Variants in PSG1 observed in about 807,000 individuals in gnomAD.
PSG1 encodes the protein pregnancy-specific beta-1-glycoprotein 1.
A neutral mutation model predicts 41.4 loss-of-function variants in PSG1; 60 were observed. That is an observed-to-expected ratio of 1.45 (90% CI 1.18 to 1.80). PSG1 has a LOEUF of 1.80. PSG1 is among the 40% of genes most tolerant of loss of function. The pLI, the probability that PSG1 is intolerant of heterozygous loss-of-function variation, is 0.00. For missense variants in PSG1, 806 were observed against 516.9 expected, an observed-to-expected ratio of 1.56 and a Z score of -5.42; for synonymous variants, 256 against 192.9, an observed-to-expected ratio of 1.33 and a Z score of -2.71.
chr19:42,867,550 T>C, intron 5 of PSG1: 1 of 632,344 alleles, frequency 1.6e-6, no homozygotes, highest in South Asian at 1.9e-5. Flanking sequence ...AAAGCATTGG[T>C]AATATAACCA....
In PSG1 at chr19:42,868,899, A is replaced by G; in HGVS notation, c.845T>C (p.Val282Ala). 6.2e-7 allele frequency: 1 copy of G among 1,610,550 alleles called. No homozygotes were observed. The highest frequency in any genetic ancestry group is 1.1e-5 in the South Asian group (1 of 90,718). ...AATGGGTCGCTTTACCCTGGGACTG[A>G]CCGGGAGGCTCTGACCATTTAGCCA... ...IWWLNGQSLP[V>A]SPRVKRPIEN... The change falls in exon 4 of 6, where the codon GTC (valine) becomes GCC (alanine). Residue 282 changes from valine (V) to alanine (A), a missense_variant. By Grantham distance (64) the Val-to-Ala change is moderately conservative. Transcript: ENST00000436291.
intron 3 of PSG1, among the ~76,000 whole-genome samples, chr19:42,871,068 A>C (rs547792297): frequency 7.3e-5 from 11 of 151,688 alleles, no homozygotes; most frequent in Admixed American, 2.6e-4. Context: ...GATAGACTTC[A>C]CTGGAAAACA....
intron 1 of PSG1, among the ~76,000 whole-genome samples, chr19:42,879,214 G>A (rs1295191491): frequency 6.7e-5 from 10 of 148,576 alleles, no homozygotes; most frequent in South Asian, 2.2e-4. Context: ...ATGCGGTGGT[G>A]CTATCTCAGC....
chr19:42,867,758 TA>T (rs753847726), intron 5 of PSG1: 5 of 937,242 alleles, frequency 5.3e-6, no homozygotes, highest in Non-Finnish European at 8.5e-6. Context: ...GTAGATAGAT[TA>T]AAAGAGAAAA....
At chr19:42,867,934 G>C in intron 5 of PSG1, 167 bp downstream of exon 5, 2 of 1,549,364 alleles carry the variant, frequency 1.3e-6, no homozygotes, top group Non-Finnish European at 1.7e-6. Flanking sequence ...GTTTGTTAAA[G>C]TTTTCGAAGT....
intron 2 of PSG1, among the ~76,000 whole-genome samples, chr19:42,873,424 A>T (rs1971476213): frequency 6.6e-6 from 1 of 151,766 alleles, no homozygotes; most frequent in South Asian, 2.1e-4. Context: ...AATTTGTAAC[A>T]GTGTAATTTT....
intron 2 of PSG1, among the ~76,000 whole-genome samples, chr19:42,876,217 A>G (rs1971598520): frequency 6.6e-6 from 1 of 151,500 alleles, no homozygotes. Context: ...TGAGGGACAC[A>G]GAGAAGCAGA....
chr19:42,867,053 C>CCCTG lies in PSG1; in HGVS notation c.*80_*81insCAGG, dbSNP rs761744764. 1.3e-6 allele frequency: 1 copy of CCCTG among 770,924 alleles called. No homozygotes were observed. Among genetic ancestry groups the CCCTG allele is most frequent in the Non-Finnish European group, 2.4e-6 (1 of 417,524 alleles). 47.8% of individuals were successfully genotyped at this position (770,924 alleles called of 1,614,324 possible). On this transcript the variant is annotated 3_prime_UTR_variant, in exon 6 of 6. Transcript: ENST00000436291. ...TTTACATTGAGTTGTCCACCTCCAG[C>CCCTG]TTATAGGGCTTCTGGAACAGAGTGG...
At position 42,869,581 on chromosome 19, in the gene PSG1, G is replaced by C. The variant is rs183304185; in HGVS notation, c.710-547C>G. On this transcript the variant is annotated intron_variant, in intron 3 of 5. Coordinates refer to ENST00000436291, the MANE Select transcript of PSG1 (RefSeq NM_001184825.2). Reference sequence around the variant, plus strand: ...TAACACAGGGGAGACCAGAATCAAGGCTGGAGGTCAGTTCAGTCATCAGGC... The same window carrying C: ...TAACACAGGGGAGACCAGAATCAAGCCTGGAGGTCAGTTCAGTCATCAGGC... The C allele has an allele frequency of 5.2e-4, 84 of 161,536 alleles. 1 individual carries two copies. The highest frequency in any genetic ancestry group is 1.8e-3 in the South Asian group (11 of 6,028). The allele number at this position is 161,536 out of a possible 1,614,324, so 10.0% of individuals were successfully genotyped here.
At chr19:42,871,633 C>T in intron 3 of PSG1, 134 bp downstream of exon 3, 1 of 1,602,334 alleles carries the variant, frequency 6.2e-7, no homozygotes, top group Non-Finnish European at 8.5e-7. Flanking sequence ...GCCTGGGGCA[C>T]AAAGTCATGG....
At chr19:42,872,674 T>C (rs1240179819) in intron 2 of PSG1, among the ~76,000 whole-genome samples, 1 of 151,556 alleles carries the variant, frequency 6.6e-6, no homozygotes, top group African/African-American at 2.4e-5. Context: ...AGCTAGTGAC[T>C]CTAAAGATAG....
intron 2 of PSG1, among the ~76,000 whole-genome samples, chr19:42,876,169 G>A: frequency 6.6e-6 from 1 of 151,478 alleles, no homozygotes; most frequent in South Asian, 2.1e-4. Context: ...AAGCTGTGCA[G>A]GACAGGGCTT....
At chr19:42,871,283 G>A (rs1358817282) in intron 3 of PSG1, among the ~76,000 whole-genome samples, 1 of 151,712 alleles carries the variant, frequency 6.6e-6, no homozygotes, top group South Asian at 2.1e-4. Flanking sequence ...GATGGAGTCT[G>A]TGAGGCAGGA....
chr19:42,871,650 T>G (rs959906383), intron 3 of PSG1, 117 bp downstream of exon 3: 2 of 1,608,502 alleles, frequency 1.2e-6, no homozygotes, highest in African/African-American at 2.7e-5. Flanking sequence ...ATGGCCAGGT[T>G]TGATGTCCAG....
Position 42,867,590 on chromosome 19 carries a change from A to G in PSG1, c.1244-440T>C, listed in dbSNP as rs974434783. The G allele has an allele frequency of 3.0e-5, 20 of 667,076 alleles. 1 individual carries two copies. Among genetic ancestry groups the G allele is most frequent in the Non-Finnish European group, 5.1e-5 (19 of 372,322 alleles). The allele number at this position is 667,076 out of a possible 1,614,324, so 41.3% of individuals were successfully genotyped here. A position where few individuals can be genotyped will look rare whatever the true frequency, so the allele number is the denominator to read the frequency against. On this transcript the variant is annotated intron_variant, in intron 5 of 5. Transcript: ENST00000436291. The stretch of plus-strand genomic sequence containing the variant: ...TTTCAAATGTGTCATGTTACAAAGA[A>G]AGCAGATTGTTACTGTACTTGTGCA...
intron 2 of PSG1, among the ~76,000 whole-genome samples, chr19:42,873,182 C>T (rs1431648658): frequency 6.6e-6 from 1 of 151,702 alleles, no homozygotes; most frequent in Admixed American, 6.6e-5. Flanking sequence ...GCCTATACTT[C>T]ATACAGATAA....
chr19:42,869,020 G>T lies in PSG1; in HGVS notation c.724C>A (p.Pro242Thr). 1 of 1,610,238 alleles carries T rather than the reference G, an allele frequency of 6.2e-7. No individual in the cohort carries two copies. The highest frequency in any genetic ancestry group is 1.1e-5 in the South Asian group (1 of 90,624). Residue 242 changes from proline to threonine, a missense_variant, in exon 4 of 6, where the codon CCC (proline) becomes ACC (threonine). Coordinates refer to ENST00000436291, the MANE Select transcript of PSG1 (RefSeq NM_001184825.2). ...TTTAAGTTGTTGATGGTGATGTAGG[G>T]CTTGGGCAGCTTCGCTGTGTGGATA... ...TLNLLPKLPK[P>T]YITINNLNPR...
At chr19:42,879,441 C>T (rs1971771546) in intron 1 of PSG1, 77 bp downstream of exon 1, 1 of 1,577,130 alleles carries the variant, frequency 6.3e-7, no homozygotes, top group Admixed American at 1.7e-5. Flanking sequence ...TTTTTTAGAA[C>T]CCCATCCTCT....
rs1340912671 is a variant in PSG1, at chr19:42,878,187, A to G, written c.156T>C (p.Leu52=). ...PTKVSEGKDV[L]LLVHNLPQNL... is the part of the protein sequence containing the mutation. ...TCTGGGGCAAATTGTGGACAAGTAGAAGAACATCCTTCCCCTCGGAAACTT... is the reference window on the plus strand; with the variant it reads ...TCTGGGGCAAATTGTGGACAAGTAGGAGAACATCCTTCCCCTCGGAAACTT... The change falls in exon 2 of 6, where the codon CTT becomes CTC. Residue 52 remains leucine (L), a synonymous_variant. Transcript: ENST00000436291. 1.9e-6 allele frequency: 3 copies of G among 1,612,088 alleles called. No homozygotes were observed. The highest frequency in any genetic ancestry group is 2.5e-6 in the Non-Finnish European group (3 of 1,179,146).
Sources: allele counts gnomAD v4.1 joint callset (sites outside exome capture counted in the v4.1 genomes callset), GRCh38; gene constraint gnomAD v4.1.1; transcripts MANE v1.5; gene names NCBI Gene and HGNC (gene_info 2026-07-23, HGNC 2026-07-21).